The following EDIL3 variants were observed in gnomAD, a reference collection of about 807,000 sequenced individuals.
EDIL3 encodes EGF like and discoidin domains 3, also known as EGF-like repeat and discoidin I-like domain-containing protein 3.
Under a neutral mutation model 67.4 loss-of-function variants are expected in EDIL3, and 37 were observed. That is an observed-to-expected ratio of 0.55 (90% CI 0.42 to 0.72). EDIL3 has a LOEUF of 0.72. Ranked by LOEUF, EDIL3 falls within the 30% of genes least tolerant of loss-of-function variation. The pLI, the probability that EDIL3 is intolerant of heterozygous loss-of-function variation, is 0.00. For missense variants in EDIL3, 527 were observed against 586.3 expected (o/e 0.90, Z 1.04); for synonymous variants, 195 against 196.3 (o/e 0.99, Z 0.05).
intron 9 of EDIL3, among the ~76,000 whole-genome samples, chr5:84,043,566 T>C (rs574166660): frequency 1.3e-4 from 20 of 152,294 alleles, no homozygotes; most frequent in Admixed American, 1.2e-3. Flanking sequence ...CCACATTCTA[T>C]GTGATGTCAG....
intron 9 of EDIL3, among the ~76,000 whole-genome samples, chr5:84,044,854 G>A (rs1317912907): frequency 1.3e-5 from 2 of 152,276 alleles, no homozygotes; most frequent in African/African-American, 4.8e-5. Context: ...AGATGAGGGT[G>A]GGCTGCCGAG....
rs373595978 is a variant in EDIL3, at chr5:84,242,793, TAAAAAAAAA to T, written c.196+11282_196+11290del. On this transcript the variant is annotated intron_variant, in intron 2 of 10. Transcript: ENST00000296591. ...AGCATAGGCGACAGAGACCCTATCT[TAAAAAAAAA>T]AAAAAAAAAACTTCCAAAGAAATAT... 4.1e-5 allele frequency among the ~76,000 whole-genome samples: 5 copies of T among 120,842 alleles called. No homozygotes were observed. In the South Asian group the frequency reaches 8.8e-4, roughly 21 times the overall value. 79.3% of individuals were successfully genotyped at this position (120,842 alleles called of 152,430 possible).
intron 6 of EDIL3, among the ~76,000 whole-genome samples, chr5:84,101,991 C>T (rs1747375365): frequency 6.6e-6 from 1 of 152,006 alleles, no homozygotes. Flanking sequence ...AGGCTTTATC[C>T]CCAGGATGCA....
At chr5:84,383,614 G>A (rs979000629) in intron 1 of EDIL3, among the ~76,000 whole-genome samples, 5 of 152,290 alleles carry the variant, frequency 3.3e-5, no homozygotes, top group African/African-American at 1.2e-4. Flanking sequence ...GTTAACACTG[G>A]TACTCGGAGG....
intron 9 of EDIL3, among the ~76,000 whole-genome samples, chr5:84,031,827 C>T (rs927922076): frequency 6.6e-6 from 1 of 152,116 alleles, no homozygotes; most frequent in African/African-American, 2.4e-5. Context: ...AAAAATGACA[C>T]AAAAGCTTTT....
At chr5:84,016,211 G>A (rs1216221208) in intron 9 of EDIL3, among the ~76,000 whole-genome samples, 1 of 152,040 alleles carries the variant, frequency 6.6e-6, no homozygotes, top group East Asian at 1.9e-4. Context: ...TTATTATATT[G>A]TGTGTTACAG....
chr5:84,034,816 T>G (rs1374345424), intron 9 of EDIL3, among the ~76,000 whole-genome samples: 2 of 152,118 alleles, frequency 1.3e-5, no homozygotes, highest in African/African-American at 4.8e-5. Context: ...TTGGATCTAG[T>G]TTGGTATTTT....
intron 3 of EDIL3, among the ~76,000 whole-genome samples, chr5:84,208,026 C>T (rs916059107): frequency 1.3e-5 from 2 of 150,454 alleles, no homozygotes; most frequent in African/African-American, 2.4e-5. Flanking sequence ...GCAATGGCAA[C>T]AAAAGCCAAA....
intron 6 of EDIL3, among the ~76,000 whole-genome samples, chr5:84,067,192 C>T (rs73769718): frequency 6.6e-6 from 1 of 152,058 alleles, no homozygotes; most frequent in South Asian, 2.1e-4. Flanking sequence ...TAAATGATTG[C>T]TTTTTTCTTC....
chr5:84,350,042 A>G (rs140971443), intron 1 of EDIL3, among the ~76,000 whole-genome samples: 40 of 152,264 alleles, frequency 2.6e-4, no homozygotes, highest in South Asian at 1.0e-3. Context: ...TCAAAGTTAC[A>G]CATGTACTAT....
chr5:84,283,937 G>A lies in EDIL3; in HGVS notation c.68-29725C>T, dbSNP rs559602841. On this transcript the variant is annotated intron_variant, in intron 1 of 10. Transcript: ENST00000296591. ...TCCAGCTGTACAGGACCAGGTAGAG[G>A]AGCCCCTTCCTCTCATTCCCAGAGT... 4.6e-5 allele frequency among the ~76,000 whole-genome samples: 7 copies of A among 152,148 alleles called. No homozygotes were observed. In the East Asian group the frequency reaches 1.4e-3, roughly 29 times the overall value.
intron 5 of EDIL3, among the ~76,000 whole-genome samples, chr5:84,133,671 A>C (rs1370656441): frequency 6.6e-6 from 1 of 151,954 alleles, no homozygotes; most frequent in Non-Finnish European, 1.5e-5. Context: ...GAATTAAATT[A>C]GGACTTTAAT....
At chr5:84,147,883 T>A (rs1470647767) in intron 4 of EDIL3, among the ~76,000 whole-genome samples, 1 of 152,068 alleles carries the variant, frequency 6.6e-6, no homozygotes, top group Non-Finnish European at 1.5e-5. Flanking sequence ...AGGAACCTAA[T>A]AAATCAACTA....
rs932414815 is a variant in EDIL3, at chr5:83,971,016, G to GT, written c.1138-7657dup. On this transcript the variant is annotated intron_variant, in intron 9 of 10. Coordinates refer to ENST00000296591, the MANE Select transcript of EDIL3 (RefSeq NM_005711.5). ...CAAAAGCTGAGTTTTTATTTCTGAG[G>GT]TTTTTTTTTGTAATATTTTCTCACT... Among the ~76,000 whole-genome samples the GT allele has an allele frequency of 4.8e-3, 720 of 148,954 alleles. 3 individuals carry two copies. Among genetic ancestry groups the GT allele is most frequent in the African/African-American group, 0.016 (645 of 40,752 alleles).
chr5:84,249,123 T>C (rs1744969769), intron 2 of EDIL3, among the ~76,000 whole-genome samples: 1 of 152,144 alleles, frequency 6.6e-6, no homozygotes, highest in Admixed American at 6.6e-5. Flanking sequence ...ATTTAACTTC[T>C]TTCAGTTTAT....
chr5:84,172,426 A>T (rs1288802454), intron 4 of EDIL3, among the ~76,000 whole-genome samples: 1 of 152,056 alleles, frequency 6.6e-6, no homozygotes, highest in Admixed American at 6.6e-5. Context: ...TATAAAAAAT[A>T]CAAAAATTAG....
chr5:84,053,524 G>A (rs1340726888), intron 9 of EDIL3, among the ~76,000 whole-genome samples: 5 of 152,200 alleles, frequency 3.3e-5, no homozygotes, highest in Non-Finnish European at 7.4e-5. Context: ...CCAGGAGCTG[G>A]TTTTTTGAAA....
rs368525977 is a variant in EDIL3 at position 84,064,837 on chromosome 5, C to T, written c.815G>A (p.Arg272His). 3.1e-5 allele frequency: 50 copies of T among 1,608,650 alleles called. 2 individuals are homozygous for T. The highest frequency in any genetic ancestry group is 3.0e-4 in the South Asian group (27 of 89,734). The part of the protein sequence containing the change: ...VKGTNEDMVF[R>H]GNIDNNTPYA... Reference sequence around the variant, plus strand: ...TGGAGTGTTGTTATCAATGTTTCCACGAAACACCTGTGTAAAAACAGTTTA... The same window carrying T: ...TGGAGTGTTGTTATCAATGTTTCCATGAAACACCTGTGTAAAAACAGTTTA... Residue 272 changes from arginine to histidine, a missense_variant, in exon 8 of 11, where the codon CGT becomes CAT. By Grantham distance (29) the Arg-to-His change is conservative (BLOSUM62 0). Transcript: ENST00000296591.
chr5:84,311,322 T>G (rs1040070102), intron 1 of EDIL3, among the ~76,000 whole-genome samples: 81 of 146,298 alleles, frequency 5.5e-4, no homozygotes, highest in African/African-American at 1.9e-3. Context: ...CTTTTTTTTT[T>G]TCTTTTTTTT....
Sources: allele counts gnomAD v4.1 joint callset (sites outside exome capture counted in the v4.1 genomes callset), GRCh38; gene constraint gnomAD v4.1.1; transcripts MANE v1.5; gene names NCBI Gene and HGNC (gene_info 2026-07-23, HGNC 2026-07-21).